Variants in NXPE4 observed in about 807,000 individuals in gnomAD.
The protein encoded by NXPE4 is neurexophilin and PC-esterase domain family member 4, also known as NXPE family member 4.
In NXPE4, 42 loss-of-function variants were observed where a neutral mutation model predicts 33.3. The observed-to-expected ratio is 1.26, with a 90% confidence interval of 0.98 to 1.63. The LOEUF (loss-of-function observed/expected upper bound fraction) is 1.63. Ranked by LOEUF, NXPE4 falls within the 40% of genes most tolerant of loss-of-function variation. NXPE4 has a pLI of 0.00. For synonymous variants in NXPE4, 253 were observed against 234.9 expected (o/e 1.08, Z -0.71); for missense variants, 709 against 647.6 (o/e 1.09, Z -1.03).
At chr11:114,654,942 G>A in the NXPE4 span, among the ~76,000 whole-genome samples, 1 of 152,172 alleles carries the variant, frequency 6.6e-6, no homozygotes, top group Non-Finnish European at 1.5e-5. Flanking sequence ...CACCAACAGT[G>A]TAAAAGCATT....
chr11:114,582,366 CAG>C lies in NXPE4; in HGVS notation c.750_751del (p.Ala252CysfsTer8). ...AGAATACATGTGAGTGAGTGCAGCACAGGGCATGTGTTGAGGCCTCACACAGT... is the reference window on the plus strand; with the variant it reads ...AGAATACATGTGAGTGAGTGCAGCACGGCATGTGTTGAGGCCTCACACAGT... On this transcript the variant is annotated frameshift_variant, in exon 3 of 6. Transcript: ENST00000375478. LOFTEE classifies it high-confidence loss of function. 3 of 1,614,078 alleles carry C rather than the reference CAG, an allele frequency of 1.9e-6. No individual in the cohort carries two copies. The highest frequency in any genetic ancestry group is 2.5e-6 in the Non-Finnish European group (3 of 1,179,930).
chr11:114,648,523 C>A, the NXPE4 span, among the ~76,000 whole-genome samples: 1 of 152,154 alleles, frequency 6.6e-6, no homozygotes, highest in African/African-American at 2.4e-5. Flanking sequence ...AAACGTTAAT[C>A]TACCAAAAAA....
At chr11:114,638,937 C>T in the NXPE4 span, among the ~76,000 whole-genome samples, 2 of 151,964 alleles carry the variant, frequency 1.3e-5, no homozygotes. Flanking sequence ...CTTGAGGAGG[C>T]AGTCTGCCCA....
At chr11:114,645,738 T>C in the NXPE4 span, among the ~76,000 whole-genome samples, 1 of 152,138 alleles carries the variant, frequency 6.6e-6, no homozygotes, top group African/African-American at 2.4e-5. Context: ...AAAGTGATAT[T>C]TGAATGACTA....
At chr11:114,670,443 C>A in the NXPE4 span, among the ~76,000 whole-genome samples, 12 of 151,944 alleles carry the variant, frequency 7.9e-5, no homozygotes, top group Non-Finnish European at 1.2e-4. Context: ...CTCTGTAATC[C>A]CAGCACTGAA....
chr11:114,670,722 AAAC>A, the NXPE4 span, among the ~76,000 whole-genome samples: 3 of 152,026 alleles, frequency 2.0e-5, no homozygotes, highest in East Asian at 1.9e-4. Context: ...TAAAACAAGC[AAAC>A]AACAACAACA....
chr11:114,647,982 G>A, the NXPE4 span, among the ~76,000 whole-genome samples: 4 of 152,130 alleles, frequency 2.6e-5, no homozygotes, highest in East Asian at 5.8e-4. Context: ...TTACAGGCAT[G>A]AGCCACTGTT....
At chr11:114,622,545 T>C in the NXPE4 span, among the ~76,000 whole-genome samples, 4 of 152,148 alleles carry the variant, frequency 2.6e-5, no homozygotes, top group Admixed American at 1.3e-4. Flanking sequence ...ACCCTGTGGA[T>C]AATAGGTATT....
At chr11:114,630,045 T>C in the NXPE4 span, among the ~76,000 whole-genome samples, 5 of 151,354 alleles carry the variant, frequency 3.3e-5, no homozygotes, top group Non-Finnish European at 5.9e-5. Flanking sequence ...TGGAAGAACA[T>C]TCCATGCTCA....
At chr11:114,640,059 T>C in the NXPE4 span, among the ~76,000 whole-genome samples, 1 of 117,978 alleles carries the variant, frequency 8.5e-6, no homozygotes, top group African/African-American at 3.6e-5. Context: ...ATATATAATT[T>C]ATTTAAAATA....
Position 114,595,575 on chromosome 11 carries a change from T to C in NXPE4, c.-11+17A>G, listed in dbSNP as rs958147411. 7 of 152,326 alleles carry C rather than the reference T, an allele frequency of 4.6e-5. No individual in the cohort carries two copies. Among genetic ancestry groups the C allele is most frequent in the Admixed American group, 2.6e-4 (4 of 15,288 alleles). The allele number at this position is 152,326 out of a possible 1,614,324, so 9.4% of individuals were successfully genotyped here. On this transcript the variant is annotated intron_variant, in intron 1 of 5. Transcript: ENST00000375478. ...CACCTTTCCCTCACCTTCCCAATTT[T>C]ACAAATTTTTTCATACCTTTAGTTT...
At chr11:114,640,184 A>G in the NXPE4 span, among the ~76,000 whole-genome samples, 1 of 134,820 alleles carries the variant, frequency 7.4e-6, no homozygotes, top group South Asian at 2.2e-4. Context: ...TTTATATATT[A>G]TATATAATTT....
chr11:114,576,932 C>G (rs1949005864), intron 5 of NXPE4, among the ~76,000 whole-genome samples: 1 of 148,140 alleles, frequency 6.8e-6, no homozygotes, highest in South Asian at 2.1e-4. Context: ...AATAAGGAAC[C>G]AGCCCAAATG....
At chr11:114,612,976 G>A in the NXPE4 span, among the ~76,000 whole-genome samples, 4 of 152,004 alleles carry the variant, frequency 2.6e-5, no homozygotes, top group Non-Finnish European at 2.9e-5. Flanking sequence ...GTTGCCTTGC[G>A]AGTAACCACT....
At chr11:114,630,373 T>A in the NXPE4 span, among the ~76,000 whole-genome samples, 5 of 151,830 alleles carry the variant, frequency 3.3e-5, no homozygotes, top group South Asian at 2.1e-4. Context: ...ACACCACATT[T>A]CTACAACTAT....
At chr11:114,590,557 C>T (rs1192125405) in intron 2 of NXPE4, among the ~76,000 whole-genome samples, 1 of 152,170 alleles carries the variant, frequency 6.6e-6, no homozygotes, top group Non-Finnish European at 1.5e-5. Flanking sequence ...CTCAAAAGGC[C>T]TTTAGCCAGT....
the NXPE4 span, among the ~76,000 whole-genome samples, chr11:114,651,343 C>T: frequency 6.6e-6 from 1 of 151,514 alleles, no homozygotes. Context: ...TAAGGTGGCA[C>T]GTCCGGAGTT....
chr11:114,649,249 G>A, the NXPE4 span, among the ~76,000 whole-genome samples: 2 of 151,892 alleles, frequency 1.3e-5, no homozygotes, highest in South Asian at 4.1e-4. Context: ...TTAGGGCATG[G>A]TAATACTAAT....
At chr11:114,616,379 G>T in the NXPE4 span, among the ~76,000 whole-genome samples, 7 of 151,394 alleles carry the variant, frequency 4.6e-5, no homozygotes, top group African/African-American at 1.7e-4. Context: ...GTTACCCAGT[G>T]GAAAATAATT....
Sources: allele counts gnomAD v4.1 joint callset (sites outside exome capture counted in the v4.1 genomes callset), GRCh38; gene constraint gnomAD v4.1.1; transcripts MANE v1.5; gene names NCBI Gene and HGNC (gene_info 2026-07-23, HGNC 2026-07-21).